The following GAD2 variants were observed in gnomAD, a reference collection of about 807,000 sequenced individuals.
GAD2 encodes glutamate decarboxylase 2.
A neutral mutation model predicts 80.1 loss-of-function variants in GAD2; 22 were observed. The observed-to-expected ratio is 0.27, with a 90% CI of 0.20 to 0.39. The LOEUF is 0.39. Among genes scored for constraint, GAD2 ranks in the 10% least tolerant of loss-of-function variants. GAD2 has a pLI of 1.00. For synonymous variants in GAD2, 274 were observed against 256.9 expected (o/e 1.07, Z -0.64); for missense variants, 624 against 738.4 (o/e 0.85, Z 1.80).
chr10:26,243,832 C>A (rs10466098), intron 7 of GAD2, among the ~76,000 whole-genome samples: 3,994 of 152,290 alleles, frequency 0.026, 187 homozygotes, highest in African/African-American at 0.091. Context: ...TTCACTGAAC[C>A]TGGGAGAAAC....
In GAD2 at chr10:26,259,213, A is replaced by G. The variant is rs577334556; in HGVS notation, c.921-9906A>G. 6.6e-5 allele frequency among the ~76,000 whole-genome samples: 10 copies of G among 152,370 alleles called. 1 individual carries two copies. The highest frequency in any genetic ancestry group is 6.5e-4 in the Admixed American group (10 of 15,300). ...TCTGCTTTCAATTATTTTGGAGTAG[A>G]TACCTAACAGTTGAATTGCTGGATC... is the stretch of plus-strand genomic sequence containing the variant. On this transcript the variant is annotated intron_variant, in intron 8 of 15. Coordinates refer to ENST00000376261, the MANE Select transcript of GAD2 (RefSeq NM_001134366.2).
intron 15 of GAD2, among the ~76,000 whole-genome samples, chr10:26,297,529 A>T (rs183266313): frequency 6.6e-6 from 1 of 152,330 alleles, no homozygotes; most frequent in Admixed American, 6.5e-5. Context: ...GCTCTTGTTG[A>T]CTATACCTTT....
intron 13 of GAD2, among the ~76,000 whole-genome samples, chr10:26,289,078 G>GT (rs35967087): frequency 0.049 from 7,319 of 150,802 alleles, 586 homozygotes; most frequent in African/African-American, 0.17. Context: ...ACCTTTGTGA[G>GT]TTTTTTTTTG....
At chr10:26,277,726 G>A (rs937760971) in intron 11 of GAD2, among the ~76,000 whole-genome samples, 9 of 152,160 alleles carry the variant, frequency 5.9e-5, no homozygotes, top group African/African-American at 1.2e-4. Context: ...GAAGAAAAGA[G>A]TGAAACTAAG....
intron 13 of GAD2, among the ~76,000 whole-genome samples, chr10:26,290,929 G>GC: frequency 6.6e-6 from 1 of 152,150 alleles, no homozygotes; most frequent in South Asian, 2.1e-4. Flanking sequence ...TATATCTTTA[G>GC]CCCCCAACTA....
chr10:26,276,322 G>A (rs915682071), intron 11 of GAD2, among the ~76,000 whole-genome samples: 4 of 152,014 alleles, frequency 2.6e-5, no homozygotes, highest in African/African-American at 4.8e-5. Flanking sequence ...GAGAGGGCAC[G>A]CCACAAACCC....
chr10:26,262,990 G>A (rs536214419), intron 8 of GAD2, among the ~76,000 whole-genome samples: 3 of 152,214 alleles, frequency 2.0e-5, no homozygotes, highest in Admixed American at 6.5e-5. Context: ...TACCCTTCAA[G>A]GGCAGCAGTA....
intron 3 of GAD2, among the ~76,000 whole-genome samples, chr10:26,218,747 C>T (rs1038926713): frequency 6.6e-6 from 1 of 152,040 alleles, no homozygotes; most frequent in African/African-American, 2.4e-5. Flanking sequence ...AAGACGAACT[C>T]CTGTGAACTA....
At chr10:26,251,510 A>G (rs183081944) in intron 8 of GAD2, among the ~76,000 whole-genome samples, 213 of 152,344 alleles carry the variant, frequency 1.4e-3, no homozygotes, top group Non-Finnish European at 2.0e-3. Context: ...AATGCTGAAA[A>G]CAATCCGACA....
At chr10:26,260,408 C>T (rs1211494848) in intron 8 of GAD2, among the ~76,000 whole-genome samples, 1 of 152,128 alleles carries the variant, frequency 6.6e-6, no homozygotes, top group Non-Finnish European at 1.5e-5. Flanking sequence ...GTGGGCAGAT[C>T]ACCTGAGGTC....
At chr10:26,226,266 A>G (rs1056563688) in intron 6 of GAD2, among the ~76,000 whole-genome samples, 5 of 152,128 alleles carry the variant, frequency 3.3e-5, no homozygotes, top group African/African-American at 1.2e-4. Context: ...GAAAACATAC[A>G]CCCAGAGAAA....
chr10:26,258,265 A>G (rs1316771681), intron 8 of GAD2, among the ~76,000 whole-genome samples: 1 of 152,240 alleles, frequency 6.6e-6, no homozygotes, highest in Non-Finnish European at 1.5e-5. Context: ...AGCCCCTCAC[A>G]GGGGATATGT....
chr10:26,247,788 C>A (rs1321679555), intron 8 of GAD2, among the ~76,000 whole-genome samples: 1 of 149,976 alleles, frequency 6.7e-6, no homozygotes, highest in Non-Finnish European at 1.5e-5. Context: ...CCCAGCTACT[C>A]AGGAGGCTGA....
At chr10:26,265,658 T>A (rs1845064008) in intron 8 of GAD2, among the ~76,000 whole-genome samples, 1 of 152,216 alleles carries the variant, frequency 6.6e-6, no homozygotes, top group Non-Finnish European at 1.5e-5. Context: ...AAAGCATCAG[T>A]GGCCACTTAA....
intron 11 of GAD2, among the ~76,000 whole-genome samples, chr10:26,276,679 C>T (rs991297736): frequency 2.6e-5 from 4 of 152,216 alleles, no homozygotes; most frequent in Admixed American, 1.3e-4. Context: ...TGAGCCACCG[C>T]GCCGGCTTCT....
intron 8 of GAD2, among the ~76,000 whole-genome samples, chr10:26,262,414 T>C (rs1048142739): frequency 6.6e-6 from 1 of 152,066 alleles, no homozygotes; most frequent in Admixed American, 6.5e-5. Flanking sequence ...AAAATATCTT[T>C]ATTCATAACA....
Position 26,219,061 on chromosome 10 carries a change from A to T in GAD2, c.305A>T (p.Asp102Val). Residue 102 changes from aspartate to valine, a missense_variant, in exon 4 of 16, where the codon GAT becomes GTT. By Grantham distance (152) the Asp-to-Val change is radical. Transcript: ENST00000376261. The part of the protein sequence containing the change: ...LHATDLLPAC[D>V]GERPTLAFLQ... ...TCTTTAGACCTGCTGCCGGCGTGTG[A>T]TGGAGAAAGGCCCACTTTGGCGTTT... is the stretch of plus-strand genomic sequence containing the variant. 1 of 1,585,118 alleles carries T rather than the reference A, an allele frequency of 6.3e-7. No individual in the cohort carries two copies. The highest frequency in any genetic ancestry group is 1.3e-5 in the African/African-American group (1 of 74,166).
rs1183222800 is a variant in GAD2 at position 26,304,392 on chromosome 10, C to T, written c.*3431C>T. ...AATTGGTGTTTCTGAATGACATCAA[C>T]ATTCCCCCAACATTACTCCATTACT... On this transcript the variant is annotated 3_prime_UTR_variant, in exon 16 of 16. Coordinates refer to ENST00000376261, the MANE Select transcript of GAD2 (RefSeq NM_001134366.2). 2 of 152,606 alleles carry T rather than the reference C, an allele frequency of 1.3e-5. No individual in the cohort carries two copies. The highest frequency in any genetic ancestry group is 4.8e-5 in the African/African-American group (2 of 41,434). 9.5% of individuals were successfully genotyped at this position (152,606 alleles called of 1,614,324 possible).
At chr10:26,289,212 C>T (rs1834186830) in intron 13 of GAD2, among the ~76,000 whole-genome samples, 1 of 152,094 alleles carries the variant, frequency 6.6e-6, no homozygotes, top group Admixed American at 6.6e-5. Context: ...AGGAAGAAGT[C>T]ATCCTCTTCC....
Sources: allele counts gnomAD v4.1 joint callset (sites outside exome capture counted in the v4.1 genomes callset), GRCh38; gene constraint gnomAD v4.1.1; transcripts MANE v1.5; gene names NCBI Gene and HGNC (gene_info 2026-07-23, HGNC 2026-07-21).